The following CLSTN3 variants were observed in gnomAD, a reference collection of about 807,000 sequenced individuals.
CLSTN3 encodes calsyntenin 3.
Under a neutral mutation model 95.9 loss-of-function variants are expected in CLSTN3, and 36 were observed. That is an observed-to-expected ratio of 0.38 (90% CI 0.29 to 0.50). CLSTN3 has a LOEUF of 0.50. Ranked by LOEUF, CLSTN3 falls within the 20% of genes least tolerant of loss-of-function variation. The pLI is 0.95. For synonymous variants in CLSTN3, 481 were observed against 504.0 expected, an observed-to-expected ratio of 0.95 and a Z score of 0.61; for missense variants, 1,084 against 1,268.8, an observed-to-expected ratio of 0.85 and a Z score of 2.21.
chr12:7,147,765 T>C (rs977672251), intron 12 of CLSTN3, among the ~76,000 whole-genome samples: 1 of 152,072 alleles, frequency 6.6e-6, no homozygotes, highest in African/African-American at 2.4e-5. Flanking sequence ...TCCTCCCGCC[T>C]CAGCCTCCCA....
Position 7,141,294 on chromosome 12 carries a change from T to C in CLSTN3, c.1376T>C (p.Val459Ala). ...HYALNLEFPT[V>A]TLYTDGISFD... Reference sequence around the variant, plus strand: ...GCTCTGAACCTCGAGTTCCCCACAGTCACACTCTATACCGACGGCATCTCC... The same window carrying C: ...GCTCTGAACCTCGAGTTCCCCACAGCCACACTCTATACCGACGGCATCTCC... The change falls in exon 9 of 18, where the codon GTC (valine) becomes GCC (alanine). Residue 459 changes from valine to alanine, a missense_variant. By Grantham distance (64) the Val-to-Ala change is moderately conservative (BLOSUM62 0). Coordinates refer to ENST00000266546, the MANE Select transcript of CLSTN3 (RefSeq NM_014718.4). The surrounding 1 kb of genome is among the most constrained non-coding windows in gnomAD (Gnocchi z 4.1). The C allele has an allele frequency of 6.2e-7, 1 of 1,614,164 alleles. No individual in the cohort carries two copies. Among genetic ancestry groups the C allele is most frequent in the African/African-American group, 1.3e-5 (1 of 75,044 alleles).
chr12:7,148,191 A>AGAAAGAAG (rs1939659531), intron 12 of CLSTN3, among the ~76,000 whole-genome samples: 1 of 144,586 alleles, frequency 6.9e-6, no homozygotes, highest in African/African-American at 2.9e-5. Context: ...AAAGAAAGAA[A>AGAAAGAAG]GAAAGAAAGA....
intron 12 of CLSTN3, among the ~76,000 whole-genome samples, chr12:7,148,029 C>T (rs1454341529): frequency 2.0e-5 from 3 of 151,876 alleles, no homozygotes; most frequent in South Asian, 2.1e-4. Context: ...GTGGCATGCG[C>T]CCTATAATCC....
intron 10 of CLSTN3, among the ~76,000 whole-genome samples, chr12:7,142,423 C>T (rs1251172985): frequency 1.3e-5 from 2 of 152,094 alleles, no homozygotes; most frequent in Non-Finnish European, 2.9e-5. Context: ...AGGAGTCAGA[C>T]ACGCAGAAGG....
chr12:7,150,659 C>T lies in CLSTN3; in HGVS notation c.2361C>T (p.Gly787=). The T allele has an allele frequency of 6.2e-7, 1 of 1,614,052 alleles. No individual in the cohort carries two copies. The highest frequency in any genetic ancestry group is 8.5e-7 in the Non-Finnish European group (1 of 1,179,904). Residue 787 remains glycine, a synonymous_variant, in exon 15 of 18, where the codon GGC becomes GGT. Coordinates refer to ENST00000266546, the MANE Select transcript of CLSTN3 (RefSeq NM_014718.4). The surrounding 1 kb of genome is among the most constrained non-coding windows in gnomAD (Gnocchi z 4.0). ...KFRLSCSEMN[G]RYSSNEFIVE... Reference sequence around the variant, plus strand: ...GGCTTTCCTGCTCGGAAATGAATGGCCGTTACTCCAGCAATGAATTCATCG... The same window carrying T: ...GGCTTTCCTGCTCGGAAATGAATGGTCGTTACTCCAGCAATGAATTCATCG...
intron 1 of CLSTN3, chr12:7,132,535 A>C (rs949933089): frequency 1.6e-5 from 4 of 255,048 alleles, no homozygotes; most frequent in Non-Finnish European, 2.3e-5. Context: ...TGAAGGGATC[A>C]GGACTGAAAT....
In CLSTN3 at chr12:7,138,054, G is replaced by T; in HGVS notation, c.1310G>T (p.Trp437Leu). ...LESARPVKFL[W>L]KLEQVCDDEW... ...AGTGCCCGCCCAGTCAAGTTCCTCT[G>T]GAAGCTGGAGCAGGTGAGGCAAGAG... Residue 437 changes from tryptophan to leucine, a missense_variant, in exon 8 of 18, where the codon TGG (tryptophan) becomes TTG (leucine). By Grantham distance (61) the Trp-to-Leu change is moderately conservative. Transcript: ENST00000266546. 6.2e-7 allele frequency: 1 copy of T among 1,613,602 alleles called. No homozygotes were observed.
chr12:7,140,778 ATACCTGTAGTCCCAGC>A (rs1721792925), intron 8 of CLSTN3, among the ~76,000 whole-genome samples: 1 of 152,152 alleles, frequency 6.6e-6, no homozygotes, highest in African/African-American at 2.4e-5. Context: ...ATGGTGGCAC[ATACCTGTAGTCCCAGC>A]TACCCCAGAG....
chr12:7,135,291 C>T (rs761575660), intron 3 of CLSTN3, 36 bp from the exon 4 acceptor site: 42 of 1,601,194 alleles, frequency 2.6e-5, no homozygotes, highest in Non-Finnish European at 2.2e-5. Context: ...GGCTGGCTGA[C>T]GTGTCTTCAT....
In CLSTN3 at chr12:7,148,932, T is replaced by C. The variant is rs769176094; in HGVS notation, c.1848-40T>C. ...AGAATGTGGGTTTTCGGGGAGGAAG[T>C]GTTGGGGTCACATGCTGCTTCTCCT... On this transcript the variant is annotated intron_variant, in intron 12 of 17. Coordinates refer to ENST00000266546, the MANE Select transcript of CLSTN3 (RefSeq NM_014718.4). 1.8e-4 allele frequency: 276 copies of C among 1,552,490 alleles called. 3 individuals are homozygous for C. The South Asian group carries it at 3.0e-3, about 17-fold the overall frequency.
chr12:7,142,250 C>A, intron 10 of CLSTN3, 111 bp downstream of exon 10: 1 of 883,842 alleles, frequency 1.1e-6, no homozygotes, highest in Non-Finnish European at 1.8e-6. Flanking sequence ...TCCTAGGCCA[C>A]CAGGGGGCAG....
At chr12:7,140,245 C>A (rs1939503693) in intron 8 of CLSTN3, among the ~76,000 whole-genome samples, 1 of 152,178 alleles carries the variant, frequency 6.6e-6, no homozygotes, top group Non-Finnish European at 1.5e-5. Flanking sequence ...AGCATTTATA[C>A]TGCCTGGGGA....
At chr12:7,140,237 C>A (rs1269316859) in intron 8 of CLSTN3, among the ~76,000 whole-genome samples, 1 of 152,070 alleles carries the variant, frequency 6.6e-6, no homozygotes, top group Non-Finnish European at 1.5e-5. Flanking sequence ...GATGATGGAG[C>A]ATTTATACTG....
chr12:7,157,416 T>C lies in CLSTN3; in HGVS notation c.2528-73T>C. The C allele has an allele frequency of 7.3e-7, 1 of 1,369,530 alleles. No individual in the cohort carries two copies. Among genetic ancestry groups the C allele is most frequent in the South Asian group, 1.5e-5 (1 of 65,508 alleles). 84.8% of individuals were successfully genotyped at this position (1,369,530 alleles called of 1,614,324 possible). A position where few individuals can be genotyped will look rare whatever the true frequency, so the allele number is the denominator to read the frequency against. On this transcript the variant is annotated intron_variant, in intron 16 of 17. Coordinates refer to ENST00000266546, the MANE Select transcript of CLSTN3 (RefSeq NM_014718.4). This position sits in a 1 kb window ranked among gnomAD's most constrained non-coding sequence, Gnocchi z 5.9. Reference sequence around the variant, plus strand: ...CTTCAGCCCGGGCTGCCTCTTTTCCTACCCAGCCCCCTGTCCAAGTGCCCC... The same window carrying C: ...CTTCAGCCCGGGCTGCCTCTTTTCCCACCCAGCCCCCTGTCCAAGTGCCCC...
intron 1 of CLSTN3, chr12:7,131,092 G>C: frequency 5.0e-6 from 2 of 397,168 alleles, no homozygotes; most frequent in East Asian, 5.8e-5. Flanking sequence ...CCTTTCACTG[G>C]CGCATGCTAA....
chr12:7,130,997 C>T, intron 1 of CLSTN3: 1 of 534,096 alleles, frequency 1.9e-6, no homozygotes. Context: ...TTCTCCCCTT[C>T]CCCTAATTTC....
At position 7,137,866 on chromosome 12, in the gene CLSTN3, A is replaced by G; in HGVS notation, c.1211-89A>G. 1 of 946,142 alleles carries G rather than the reference A, an allele frequency of 1.1e-6. No homozygotes were observed. Among genetic ancestry groups the G allele is most frequent in the Non-Finnish European group, 1.7e-6 (1 of 598,076 alleles). 58.6% of individuals were successfully genotyped at this position (946,142 alleles called of 1,614,324 possible). A position where few individuals can be genotyped will look rare whatever the true frequency, so the allele number is the denominator to read the frequency against. On this transcript the variant is annotated intron_variant, in intron 7 of 17. Coordinates refer to ENST00000266546, the MANE Select transcript of CLSTN3 (RefSeq NM_014718.4). The surrounding 1 kb of genome is among the most constrained non-coding windows in gnomAD (Gnocchi z 4.4). ...AACGAGGGAATGAGAGAGGATTAAGAGAATCCAACATCCTCTCCTTCCTGC... is the reference window on the plus strand; with the variant it reads ...AACGAGGGAATGAGAGAGGATTAAGGGAATCCAACATCCTCTCCTTCCTGC...
chr12:7,130,891 A>G, intron 1 of CLSTN3, 179 bp downstream of exon 1: 1 of 647,662 alleles, frequency 1.5e-6, no homozygotes, highest in Non-Finnish European at 2.8e-6. Context: ...CTCTTCCCCC[A>G]GCTACATCTT....
At position 7,130,643 on chromosome 12, in the gene CLSTN3, C is replaced by T. The variant is rs1313244189; in HGVS notation, c.-6C>T. 1.3e-5 allele frequency: 20 copies of T among 1,565,310 alleles called. No individual in the cohort carries two copies. The highest frequency in any genetic ancestry group is 1.7e-5 in the Non-Finnish European group (20 of 1,154,518). On this transcript the variant is annotated 5_prime_UTR_variant, in exon 1 of 18. Coordinates refer to ENST00000266546, the MANE Select transcript of CLSTN3 (RefSeq NM_014718.4). ...CGCCTGGCCCTGCCCTGCCCCACGCCGCACCATGACCCTCCTGCTGCTGCC... is the reference window on the plus strand; with the variant it reads ...CGCCTGGCCCTGCCCTGCCCCACGCTGCACCATGACCCTCCTGCTGCTGCC...
Sources: gnomAD v4.1 joint callset for allele counts (sites outside exome capture counted in the v4.1 genomes callset) on GRCh38, gnomAD v4.1.1 for gene constraint, Gnocchi (gnomAD v3.1) non-coding constraint, MANE v1.5 for transcripts, NCBI Gene and HGNC (gene_info 2026-07-23, HGNC 2026-07-21) for gene names.